The following RBFOX1 variants were observed in gnomAD, a reference collection of about 807,000 sequenced individuals.
RBFOX1 encodes the protein RNA binding protein fox-1 homolog 1.
A neutral mutation model predicts 57.7 loss-of-function variants in RBFOX1; 8 were observed. The ratio of observed to expected loss-of-function variants is 0.14; its 90% CI spans 0.08 to 0.25. The LOEUF (loss-of-function observed/expected upper bound fraction) is 0.25, where lower values mean the gene tolerates loss of function less well. Ranked by LOEUF, RBFOX1 falls within the 10% of genes least tolerant of loss-of-function variation. The probability of loss-of-function intolerance (pLI) is 1.00; values close to 1 mark genes in which losing one functional copy is unlikely to be tolerated. For missense variants in RBFOX1, 611 were observed against 548.5 expected, an observed-to-expected ratio of 1.11 and a Z score of -1.14; for synonymous variants, 326 against 222.4, an observed-to-expected ratio of 1.47 and a Z score of -4.15.
intron 4 of RBFOX1, among the ~76,000 whole-genome samples, chr16:7,110,277 C>T (rs373407637): frequency 1.3e-5 from 2 of 151,904 alleles, no homozygotes; most frequent in African/African-American, 4.8e-5. Context: ...AGAAGGATCC[C>T]CGGAACCTAG....
intron 1 of RBFOX1, among the ~76,000 whole-genome samples, chr16:6,222,066 G>A (rs192546943): frequency 1.3e-5 from 2 of 152,270 alleles, no homozygotes; most frequent in African/African-American, 2.4e-5. Flanking sequence ...AAGTATGGAA[G>A]GGCACACAGT....
chr16:6,427,043 T>A (rs1010522745), intron 2 of RBFOX1, among the ~76,000 whole-genome samples: 1 of 152,316 alleles, frequency 6.6e-6, no homozygotes, highest in African/African-American at 2.4e-5. Flanking sequence ...CTAGTTATTA[T>A]AGATTAGCCC....
At chr16:6,878,197 T>G (rs1366086066) in intron 3 of RBFOX1, among the ~76,000 whole-genome samples, 1 of 152,180 alleles carries the variant, frequency 6.6e-6, no homozygotes, top group East Asian at 1.9e-4. Context: ...TATTGTATGG[T>G]CACCATGCAG....
intron 3 of RBFOX1, among the ~76,000 whole-genome samples, chr16:6,868,812 T>C (rs2060381928): frequency 6.6e-6 from 1 of 152,146 alleles, no homozygotes; most frequent in African/African-American, 2.4e-5. Flanking sequence ...ATCTTTTTGC[T>C]CCTCGAAAGA....
chr16:6,999,220 T>TTA (rs2092565662), intron 3 of RBFOX1, among the ~76,000 whole-genome samples: 1 of 129,682 alleles, frequency 7.7e-6, no homozygotes, highest in Admixed American at 7.9e-5. Context: ...TTATTTATTT[T>TTA]TTTTATTTAT....
intron 3 of RBFOX1, among the ~76,000 whole-genome samples, chr16:6,765,752 T>G (rs190814042): frequency 1.3e-5 from 2 of 152,070 alleles, no homozygotes; most frequent in Non-Finnish European, 2.9e-5. Context: ...CAGCAACCAA[T>G]AAGTAGATAA....
intron 7 of RBFOX1, among the ~76,000 whole-genome samples, chr16:7,595,009 G>C (rs180688386): frequency 6.6e-6 from 1 of 152,262 alleles, no homozygotes; most frequent in East Asian, 1.9e-4. Flanking sequence ...TTTTTGAGAA[G>C]TAAAGGCTGT....
chr16:6,771,223 T>C (rs898451291), intron 3 of RBFOX1, among the ~76,000 whole-genome samples: 1 of 152,176 alleles, frequency 6.6e-6, no homozygotes, highest in African/African-American at 2.4e-5. Context: ...CACCTTAGTC[T>C]TGAACTTCTA....
intron 2 of RBFOX1, among the ~76,000 whole-genome samples, chr16:6,601,764 T>A (rs918425879): frequency 6.6e-6 from 1 of 152,190 alleles, no homozygotes; most frequent in Non-Finnish European, 1.5e-5. Flanking sequence ...AGAAAAGATA[T>A]AGCTGAGTTT....
At chr16:6,234,483 A>G (rs959509675) in intron 1 of RBFOX1, among the ~76,000 whole-genome samples, 1 of 152,204 alleles carries the variant, frequency 6.6e-6, no homozygotes, top group East Asian at 1.9e-4. Context: ...AACCAGCAGC[A>G]TTCAGAAATA....
chr16:6,584,217 G>A (rs1271245797), intron 2 of RBFOX1, among the ~76,000 whole-genome samples: 1 of 151,854 alleles, frequency 6.6e-6, no homozygotes, highest in South Asian at 2.1e-4. Flanking sequence ...TCTTGTAGAT[G>A]AAGTTTTAGG....
At chr16:6,120,366 G>T (rs1250438789) in intron 1 of RBFOX1, among the ~76,000 whole-genome samples, 1 of 152,172 alleles carries the variant, frequency 6.6e-6, no homozygotes, top group African/African-American at 2.4e-5. Flanking sequence ...GTTTCCCACA[G>T]CAGCCACCCC....
intron 4 of RBFOX1, among the ~76,000 whole-genome samples, chr16:5,935,254 G>A (rs2059144609): frequency 6.6e-6 from 1 of 152,158 alleles, no homozygotes; most frequent in Non-Finnish European, 1.5e-5. Flanking sequence ...GGAAGTATCT[G>A]CCATTGAAAA....
At chr16:5,621,595 C>T (rs868370989) in intron 3 of RBFOX1, among the ~76,000 whole-genome samples, 1 of 152,226 alleles carries the variant, frequency 6.6e-6, no homozygotes, top group East Asian at 1.9e-4. Flanking sequence ...GTGCTGACTT[C>T]CCCTACGGAA....
chr16:6,050,514 G>T (rs1454796319), intron 1 of RBFOX1, among the ~76,000 whole-genome samples: 1 of 152,110 alleles, frequency 6.6e-6, no homozygotes, highest in Non-Finnish European at 1.5e-5. Flanking sequence ...CCAAGAAGAG[G>T]TACATTGATC....
At chr16:6,799,407 T>G (rs138844901) in intron 3 of RBFOX1, among the ~76,000 whole-genome samples, 1 of 152,180 alleles carries the variant, frequency 6.6e-6, no homozygotes, top group African/African-American at 2.4e-5. Flanking sequence ...ATTAACCTAA[T>G]AAGGCGTGAG....
chr16:6,148,543 C>G (rs1321969650), intron 1 of RBFOX1, among the ~76,000 whole-genome samples: 1 of 152,088 alleles, frequency 6.6e-6, no homozygotes, highest in East Asian at 1.9e-4. Flanking sequence ...GCAGGAAAAC[C>G]TTATCAAATT....
intron 4 of RBFOX1, among the ~76,000 whole-genome samples, chr16:7,361,990 TGTTA>T (rs1280854538): frequency 6.6e-6 from 1 of 151,866 alleles, no homozygotes; most frequent in African/African-American, 2.4e-5. Context: ...TGTGTATGTG[TGTTA>T]GTGTGTGTAT....
chr16:6,236,588 C>A (rs1250971889), intron 1 of RBFOX1, among the ~76,000 whole-genome samples: 1 of 151,990 alleles, frequency 6.6e-6, no homozygotes. Flanking sequence ...GCACGTGTCA[C>A]CATGCCTGGC....
Sources: gnomAD v4.1 joint callset for allele counts (sites outside exome capture counted in the v4.1 genomes callset) on GRCh38, gnomAD v4.1.1 for gene constraint, MANE v1.5 for transcripts, NCBI Gene and HGNC (gene_info 2026-07-23, HGNC 2026-07-21) for gene names.